PIWIL4: variants seen among roughly 807,000 people sequenced by gnomAD.
PIWIL4 encodes piwi-like protein 4.
In PIWIL4, 50 loss-of-function variants were observed where a neutral mutation model predicts 100.9. The ratio of observed to expected loss-of-function variants is 0.50; its 90% CI spans 0.39 to 0.63. The LOEUF (loss-of-function observed/expected upper bound fraction) is 0.63, where lower values mean the gene tolerates loss of function less well. Among genes scored for constraint, PIWIL4 ranks in the 20% least tolerant of loss-of-function variants. PIWIL4 has a pLI of 0.00. For synonymous variants in PIWIL4, 342 were observed against 367.5 expected (o/e 0.93, Z 0.79); for missense variants, 887 against 1,043.3 (o/e 0.85, Z 2.06).
intron 4 of PIWIL4, among the ~76,000 whole-genome samples, chr11:94,580,670 G>A (rs755226045): frequency 6.6e-6 from 1 of 152,178 alleles, no homozygotes; most frequent in Non-Finnish European, 1.5e-5. Flanking sequence ...ATGTAAGGTA[G>A]AATGAAATAA....
intron 11 of PIWIL4, 38 bp from the exon 12 acceptor site, chr11:94,601,757 A>C (rs1232798504): frequency 3.1e-6 from 5 of 1,597,132 alleles, no homozygotes; most frequent in Non-Finnish European, 4.3e-6. Flanking sequence ...TCTCTGAATA[A>C]ATTTGTTCAA....
rs1355307790 is a variant in PIWIL4 at position 94,601,805 on chromosome 11, T to C, written c.1391T>C (p.Val464Ala). ...ILMQDHICQP[V>A]SAADWSKDIR... is the part of the protein sequence containing the mutation. ...CATTATTTTTCTCAGTGTCAACCTGTGTCTGCTGCTGACTGGTCCAAGGAT... is the reference window on the plus strand; with the variant it reads ...CATTATTTTTCTCAGTGTCAACCTGCGTCTGCTGCTGACTGGTCCAAGGAT... The change falls in exon 12 of 20, where the codon GTG (valine) becomes GCG (alanine). Residue 464 changes from valine (V) to alanine (A), a missense_variant. Val to Ala is a moderately conservative substitution (Grantham distance 64, BLOSUM62 0). Transcript: ENST00000299001. 6.2e-7 allele frequency: 1 copy of C among 1,613,594 alleles called. No homozygotes were observed. The highest frequency in any genetic ancestry group is 1.7e-5 in the Admixed American group (1 of 59,952).
intron 2 of PIWIL4, among the ~76,000 whole-genome samples, chr11:94,572,180 G>A (rs963712187): frequency 2.6e-5 from 4 of 152,106 alleles, no homozygotes; most frequent in Admixed American, 2.6e-4. Flanking sequence ...TGTAGATTCT[G>A]GATAGTAGCC....
chr11:94,583,111 C>A (rs922722557), intron 4 of PIWIL4, among the ~76,000 whole-genome samples: 1 of 151,700 alleles, frequency 6.6e-6, no homozygotes, highest in East Asian at 1.9e-4. Flanking sequence ...TTATCAGACT[C>A]TCAAAATAAT....
At chr11:94,583,038 A>ATGTGTGTGTGTG (rs1185966279) in intron 4 of PIWIL4, among the ~76,000 whole-genome samples, 1 of 104,052 alleles carries the variant, frequency 9.6e-6, no homozygotes, top group African/African-American at 4.2e-5. Context: ...GTGTGTATAT[A>ATGTGTGTGTGTG]TATATATGTG....
chr11:94,609,567 TTG>T, intron 15 of PIWIL4, among the ~76,000 whole-genome samples: 1 of 152,260 alleles, frequency 6.6e-6, no homozygotes, highest in Non-Finnish European at 1.5e-5. Flanking sequence ...TCATTCCAGG[TTG>T]TATGAGATGC....
In PIWIL4 at chr11:94,620,015, C is replaced by T. The variant is rs1443463660; in HGVS notation, c.2313C>T (p.Ile771=). ...TRNEWYDFYL[I]SQVACRGTVS... ...CCCTCAGGTATGACTTTTATCTGAT[C>T]AGCCAGGTGGCCTGCCGGGGAACTG... Residue 771 remains isoleucine (I), a synonymous_variant, in exon 19 of 20, where the codon ATC becomes ATT. Coordinates refer to ENST00000299001, the MANE Select transcript of PIWIL4 (RefSeq NM_152431.3). The T allele has an allele frequency of 6.2e-7, 1 of 1,614,008 alleles. No homozygotes were observed. The highest frequency in any genetic ancestry group is 1.3e-5 in the African/African-American group (1 of 74,936).
At chr11:94,606,810 G>C (rs1210071534) in intron 13 of PIWIL4, among the ~76,000 whole-genome samples, 2 of 150,780 alleles carry the variant, frequency 1.3e-5, no homozygotes, top group Non-Finnish European at 3.0e-5. Flanking sequence ...CTCCAGCCTG[G>C]GTGACAGTGT....
chr11:94,580,691 A>G (rs1948299336), intron 4 of PIWIL4, among the ~76,000 whole-genome samples: 1 of 152,172 alleles, frequency 6.6e-6, no homozygotes, highest in Non-Finnish European at 1.5e-5. Flanking sequence ...GTGTCATAAT[A>G]ATTAGTATCT....
Position 94,585,504 on chromosome 11 carries a change from C to G in PIWIL4, c.695C>G (p.Pro232Arg). 6 of 1,609,532 alleles carry G rather than the reference C, an allele frequency of 3.7e-6. No homozygotes were observed. The highest frequency in any genetic ancestry group is 5.1e-6 in the Non-Finnish European group (6 of 1,178,064). Residue 232 changes from proline (P) to arginine (R), a missense_variant, in exon 6 of 20, where the codon CCA (proline) becomes CGA (arginine). Physicochemically the swap from Pro to Arg is moderately radical, Grantham distance 103. Transcript: ENST00000299001. ...IGRNFYNPSE[P>R]MEIPQHKLSL... ...CGGAACTTCTATAATCCTTCAGAGC[C>G]AATGGAAATTCCCCAGCACAAGTAG...
In PIWIL4 at chr11:94,583,464, G is replaced by C; in HGVS notation, c.530G>C (p.Ser177Thr). ...TTTTCCCAGGTCACAGAGTTGTCAA[G>C]TGAAACTCAAAGAGGTGAGACTATA... ...KLEEKVTELS[S>T]ETQRGETIKM... The change falls in exon 5 of 20, where the codon AGT becomes ACT. Residue 177 changes from serine to threonine, a missense_variant. Ser to Thr is a moderately conservative substitution (Grantham distance 58). Coordinates refer to ENST00000299001, the MANE Select transcript of PIWIL4 (RefSeq NM_152431.3). 6.2e-7 allele frequency: 1 copy of C among 1,613,838 alleles called. No homozygotes were observed. The highest frequency in any genetic ancestry group is 8.5e-7 in the Non-Finnish European group (1 of 1,179,742).
intron 8 of PIWIL4, among the ~76,000 whole-genome samples, chr11:94,591,132 A>G (rs1314588487): frequency 6.6e-6 from 1 of 152,138 alleles, no homozygotes; most frequent in African/African-American, 2.4e-5. Context: ...CTCCTTTTCT[A>G]TCCTCTGCTT....
chr11:94,608,118 C>G (rs569170017), intron 14 of PIWIL4: 1 of 177,868 alleles, frequency 5.6e-6, no homozygotes, highest in East Asian at 1.5e-4. Context: ...TGCCCATTTC[C>G]TTACATGTCC....
At chr11:94,567,670 G>A in intron 1 of PIWIL4, 65 bp downstream of exon 1, 7 of 1,453,960 alleles carry the variant, frequency 4.8e-6, no homozygotes, top group Non-Finnish European at 6.4e-6. Flanking sequence ...CCTGAACAAT[G>A]CCTTCCTCTG....
intron 8 of PIWIL4, 29 bp from the exon 9 acceptor site, chr11:94,593,489 T>C (rs1591791101): frequency 6.9e-7 from 1 of 1,442,234 alleles, no homozygotes; most frequent in Non-Finnish European, 9.5e-7. Context: ...CCATGTTAAC[T>C]TTTTACTTAT....
chr11:94,590,254 G>A (rs1591788593), intron 8 of PIWIL4, among the ~76,000 whole-genome samples: 1 of 152,158 alleles, frequency 6.6e-6, no homozygotes, highest in East Asian at 1.9e-4. Flanking sequence ...GAAAGGTCAA[G>A]TTCAGTTACT....
chr11:94,572,865 T>C (rs1206756033), intron 2 of PIWIL4, among the ~76,000 whole-genome samples: 2 of 152,246 alleles, frequency 1.3e-5, no homozygotes, highest in African/African-American at 4.8e-5. Context: ...ATTGAATCTA[T>C]AAATTACTTT....
rs144295355 is a variant in PIWIL4, at chr11:94,587,237, G to A, written c.904G>A (p.Val302Ile). The change falls in exon 7 of 20, where the codon GTC becomes ATC. Residue 302 changes from valine (V) to isoleucine (I), a missense_variant. Val to Ile is a conservative substitution (Grantham distance 29). Transcript: ENST00000299001. ...TCEKQLIGLI[V>I]LTRYNNRTYS... The stretch of plus-strand genomic sequence containing the variant: ...TGAGAAGCAGCTAATAGGGCTCATT[G>A]TCCTTACAAGGTACAAGCCTGCGTC... The A allele has an allele frequency of 3.3e-5, 54 of 1,613,794 alleles. No homozygotes were observed. The African/African-American group carries it at 6.9e-4, about 21-fold the overall frequency.
At chr11:94,589,601 C>G (rs866371184) in intron 8 of PIWIL4, among the ~76,000 whole-genome samples, 1 of 152,168 alleles carries the variant, frequency 6.6e-6, no homozygotes, top group African/African-American at 2.4e-5. Flanking sequence ...TTCCCATTCC[C>G]CTGCTCCCTT....
Sources: allele counts gnomAD v4.1 joint callset (sites outside exome capture counted in the v4.1 genomes callset), GRCh38; gene constraint gnomAD v4.1.1; transcripts MANE v1.5; gene names NCBI Gene and HGNC (gene_info 2026-07-23, HGNC 2026-07-21).